WDR70: variants seen among roughly 807,000 people sequenced by gnomAD.
WDR70 encodes the protein WD repeat-containing protein 70.
In WDR70, 53 loss-of-function variants were observed where a neutral mutation model predicts 88.6. The observed-to-expected ratio is 0.60, with a 90% confidence interval of 0.48 to 0.75. The LOEUF (loss-of-function observed/expected upper bound fraction) is 0.75. Ranked by LOEUF, WDR70 falls within the 30% of genes least tolerant of loss-of-function variation. The pLI is 0.00. For missense variants in WDR70, 610 were observed against 823.2 expected, an observed-to-expected ratio of 0.74 and a Z score of 3.17; for synonymous variants, 280 against 270.0, an observed-to-expected ratio of 1.04 and a Z score of -0.36.
chr5:37,455,693 T>C (rs1301818281), intron 7 of WDR70, among the ~76,000 whole-genome samples: 12 of 134,790 alleles, frequency 8.9e-5, no homozygotes, highest in African/African-American at 3.1e-4. Context: ...CAATTCACTT[T>C]ACTAATTTTC....
At chr5:37,466,654 C>T (rs1227383140) in intron 7 of WDR70, among the ~76,000 whole-genome samples, 12 of 122,024 alleles carry the variant, frequency 9.8e-5, no homozygotes, top group East Asian at 2.8e-4. Context: ...TGCAGTAAGC[C>T]GAGATGGCGC....
At chr5:37,493,870 G>A (rs1581334843) in intron 8 of WDR70, among the ~76,000 whole-genome samples, 1 of 148,726 alleles carries the variant, frequency 6.7e-6, no homozygotes, top group African/African-American at 2.5e-5. Context: ...TCACTCTGTC[G>A]CGCAGTGGCG....
At chr5:37,509,581 T>C (rs1459504617) in intron 8 of WDR70, among the ~76,000 whole-genome samples, 1 of 152,156 alleles carries the variant, frequency 6.6e-6, no homozygotes, top group Non-Finnish European at 1.5e-5. Flanking sequence ...GAAGTGTGTT[T>C]TGTTACTTAG....
chr5:37,460,293 A>C (rs1738948013), intron 7 of WDR70, among the ~76,000 whole-genome samples: 1 of 334 alleles, frequency 3.0e-3, no homozygotes, highest in African/African-American at 4.5e-3. Context: ...ACCAACCCAA[A>C]TGTCCAACAA....
intron 10 of WDR70, among the ~76,000 whole-genome samples, chr5:37,618,091 A>G (rs891344662): frequency 6.6e-6 from 1 of 152,230 alleles, no homozygotes; most frequent in African/African-American, 2.4e-5. Flanking sequence ...AATAGAAAAC[A>G]TATAAATATT....
At chr5:37,475,029 A>G (rs1332942393) in intron 7 of WDR70, among the ~76,000 whole-genome samples, 1 of 148,700 alleles carries the variant, frequency 6.7e-6, no homozygotes, top group East Asian at 2.0e-4. Flanking sequence ...AGTGATTTTC[A>G]CGCCTGAGCC....
chr5:37,697,917 A>G, intron 11 of WDR70, 163 bp downstream of exon 11: 1 of 519,218 alleles, frequency 1.9e-6, no homozygotes. Context: ...TAACTTTGCA[A>G]CATTGTTTGT....
chr5:37,706,475 C>T (rs560158079), intron 13 of WDR70, among the ~76,000 whole-genome samples: 4 of 152,022 alleles, frequency 2.6e-5, no homozygotes, highest in Admixed American at 6.6e-5. Context: ...GGGTCTTTTC[C>T]GTGCTGTTCT....
intron 9 of WDR70, among the ~76,000 whole-genome samples, chr5:37,551,742 A>T (rs1742150451): frequency 6.8e-6 from 1 of 146,404 alleles, no homozygotes; most frequent in South Asian, 2.2e-4. Flanking sequence ...AAAAAAAAAA[A>T]TTATTTTTTA....
At chr5:37,663,640 A>G (rs897779280) in intron 10 of WDR70, among the ~76,000 whole-genome samples, 1 of 151,904 alleles carries the variant, frequency 6.6e-6, no homozygotes, top group African/African-American at 2.4e-5. Flanking sequence ...CTACTCAATT[A>G]TCTCCTCTCA....
At chr5:37,702,086 G>A (rs1747180511) in intron 12 of WDR70, among the ~76,000 whole-genome samples, 1 of 152,150 alleles carries the variant, frequency 6.6e-6, no homozygotes. Flanking sequence ...TGAAATAATG[G>A]TCAACAGAGA....
At chr5:37,697,817 TGACAATA>T in intron 11 of WDR70, 63 bp downstream of exon 11, 1 of 1,419,218 alleles carries the variant, frequency 7.0e-7, no homozygotes, top group Non-Finnish European at 9.9e-7. Flanking sequence ...TTAACAAATA[TGACAATA>T]ATATCCTAGT....
chr5:37,550,194 T>C (rs998648242), intron 9 of WDR70, among the ~76,000 whole-genome samples: 1 of 152,154 alleles, frequency 6.6e-6, no homozygotes, highest in Admixed American at 6.5e-5. Flanking sequence ...AAATTGATGG[T>C]TTTTCAGCAC....
chr5:37,540,537 A>ATGCCCAGCTAATTTTTGTATTTTTGG (rs2112327277), intron 9 of WDR70, among the ~76,000 whole-genome samples: 1 of 152,234 alleles, frequency 6.6e-6, no homozygotes, highest in Non-Finnish European at 1.5e-5. Context: ...GCACACTACC[A>ATGCCCAGCTAATTTTTGTATTTTTGG]TGCCCAGCTA....
In WDR70 at chr5:37,437,131, G is replaced by T. The variant is rs1187059498; in HGVS notation, c.493-791G>T. Among the ~76,000 whole-genome samples the T allele has an allele frequency of 2.0e-5, 3 of 152,188 alleles. No homozygotes were observed. In the East Asian group the frequency reaches 5.8e-4, roughly 29 times the overall value. On this transcript the variant is annotated intron_variant, in intron 5 of 17. Coordinates refer to ENST00000265107, the MANE Select transcript of WDR70 (RefSeq NM_018034.4). ...TTGATATCTCCCTGTTAGACCATAT[G>T]CTTCTTGTGTGGGAGGGATGAGAAG...
At chr5:37,416,065 G>A (rs1314581583) in intron 5 of WDR70, among the ~76,000 whole-genome samples, 3 of 150,664 alleles carry the variant, frequency 2.0e-5, no homozygotes, top group South Asian at 2.1e-4. Flanking sequence ...CATCCCAGAC[G>A]ATGGGCGGCC....
rs538852663 is a variant in WDR70, at chr5:37,533,008, G to C, written c.917+16418G>C. 3.3e-5 allele frequency among the ~76,000 whole-genome samples: 5 copies of C among 152,248 alleles called. No individual in the cohort carries two copies. The East Asian group carries it at 9.7e-4, about 29-fold the overall frequency. ...CTAGGAATGAGGCTCCCTGAGAGCC[G>C]AACTGGAGTGATTGTTTTTGTTCTT... On this transcript the variant is annotated intron_variant, in intron 9 of 17. Coordinates refer to ENST00000265107, the MANE Select transcript of WDR70 (RefSeq NM_018034.4).
chr5:37,418,921 G>A (rs1240259377), intron 5 of WDR70, among the ~76,000 whole-genome samples: 1 of 151,838 alleles, frequency 6.6e-6, no homozygotes. Flanking sequence ...CTGCCAACTC[G>A]CCTGGCTAAT....
At chr5:37,512,908 A>T (rs961466048) in intron 8 of WDR70, among the ~76,000 whole-genome samples, 4 of 152,140 alleles carry the variant, frequency 2.6e-5, no homozygotes, top group Non-Finnish European at 4.4e-5. Flanking sequence ...ATATCTGCAA[A>T]TAACCTTTCC....
Sources: allele counts gnomAD v4.1 joint callset (sites outside exome capture counted in the v4.1 genomes callset), GRCh38; gene constraint gnomAD v4.1.1; transcripts MANE v1.5; gene names NCBI Gene and HGNC (gene_info 2026-07-23, HGNC 2026-07-21).